Variants in INSR observed in about 807,000 individuals in gnomAD.
The protein encoded by INSR is insulin receptor.
In INSR, 67 loss-of-function variants were observed where a neutral mutation model predicts 142.6. The observed-to-expected ratio is 0.47, with a 90% CI of 0.39 to 0.58. The LOEUF (loss-of-function observed/expected upper bound fraction) is 0.58. Ranked by LOEUF, INSR falls within the 20% of genes least tolerant of loss-of-function variation. INSR has a pLI of 0.00. For synonymous variants in INSR, 756 were observed against 743.1 expected (o/e 1.02, Z -0.28); for missense variants, 1,248 against 1,833.2 (o/e 0.68, Z 5.83).
chr19:7,119,712 A>G lies in INSR; in HGVS notation c.3660-129T>C, dbSNP rs1411374072. The G allele has an allele frequency of 4.8e-6, 5 of 1,036,546 alleles. No individual in the cohort carries two copies. In the East Asian group the frequency reaches 1.0e-4, roughly 21 times the overall value. The allele number at this position is 1,036,546 out of a possible 1,614,324, so 64.2% of individuals were successfully genotyped here. A position where few individuals can be genotyped will look rare whatever the true frequency, so the allele number is the denominator to read the frequency against. On this transcript the variant is annotated intron_variant, in intron 20 of 21. Coordinates refer to ENST00000302850, the MANE Select transcript of INSR (RefSeq NM_000208.4). The surrounding 1 kb of genome is among the most constrained non-coding windows in gnomAD (Gnocchi z 5.2). ...CACATGCCAACACATACATGCAAAC[A>G]CACACATGCAAACACACACGCACAT... is the stretch of plus-strand genomic sequence containing the variant.
At chr19:7,177,591 G>A (rs1480415413) in intron 3 of INSR, among the ~76,000 whole-genome samples, 4 of 151,378 alleles carry the variant, frequency 2.6e-5, no homozygotes, top group African/African-American at 7.3e-5. Flanking sequence ...ACAATGGCAC[G>A]ATCTCGGCTC....
At chr19:7,181,994 A>G (rs1974286230) in intron 3 of INSR, among the ~76,000 whole-genome samples, 1 of 152,056 alleles carries the variant, frequency 6.6e-6, no homozygotes, top group South Asian at 2.1e-4. Context: ...ATCAAACCAC[A>G]TTAGAAAATG....
intron 1 of INSR, among the ~76,000 whole-genome samples, chr19:7,271,636 C>T (rs1600117137): frequency 6.6e-6 from 1 of 152,336 alleles, no homozygotes; most frequent in East Asian, 1.9e-4. Flanking sequence ...GGCAATTCCA[C>T]TCCTAGGTAA....
chr19:7,186,110 C>T (rs200755748), intron 2 of INSR, among the ~76,000 whole-genome samples: 2 of 152,074 alleles, frequency 1.3e-5, no homozygotes, highest in African/African-American at 4.8e-5. Flanking sequence ...GCAGGAGAAT[C>T]GCTTGAACCT....
chr19:7,132,716 C>T (rs1006416926), intron 13 of INSR, among the ~76,000 whole-genome samples: 3 of 151,750 alleles, frequency 2.0e-5, no homozygotes, highest in South Asian at 2.1e-4. Context: ...CTCAGCCTCC[C>T]GAGTAGCTGG....
intron 2 of INSR, among the ~76,000 whole-genome samples, chr19:7,194,464 G>C (rs1411281658): frequency 6.6e-6 from 1 of 151,234 alleles, no homozygotes; most frequent in African/African-American, 2.4e-5. Context: ...AATCAATATG[G>C]GGCTCAGGGG....
At chr19:7,273,392 G>C (rs184917563) in intron 1 of INSR, among the ~76,000 whole-genome samples, 32 of 152,288 alleles carry the variant, frequency 2.1e-4, no homozygotes, top group African/African-American at 7.5e-4. Flanking sequence ...ACATCTCTGA[G>C]TGGGCGTGAA....
chr19:7,197,947 G>C (rs1461567026), intron 2 of INSR, among the ~76,000 whole-genome samples: 4 of 130,860 alleles, frequency 3.1e-5, no homozygotes, highest in East Asian at 2.1e-4. Context: ...GTGTGTGTGT[G>C]TCCCCATGGT....
At chr19:7,274,428 C>T (rs764039633) in intron 1 of INSR, among the ~76,000 whole-genome samples, 1 of 151,130 alleles carries the variant, frequency 6.6e-6, no homozygotes, top group Admixed American at 6.7e-5. Flanking sequence ...GATTTTTTTC[C>T]CATGACGCCT....
chr19:7,287,253 A>C (rs1360841371), intron 1 of INSR, among the ~76,000 whole-genome samples: 1 of 147,410 alleles, frequency 6.8e-6, no homozygotes, highest in African/African-American at 2.5e-5. Flanking sequence ...TCCACCTCCC[A>C]GGTTCAAGCG....
In INSR at chr19:7,117,495, G is replaced by A. The variant is rs11883202; in HGVS notation, c.3795-85C>T. The A allele has an allele frequency of 0.25, 239,538 of 963,380 alleles. 30,583 individuals are homozygous for A. Among genetic ancestry groups the A allele is most frequent in the African/African-American group, 0.41 (25,348 of 62,398 alleles). 59.7% of individuals were successfully genotyped at this position (963,380 alleles called of 1,614,324 possible). A position where few individuals can be genotyped will look rare whatever the true frequency, so the allele number is the denominator to read the frequency against. On this transcript the variant is annotated intron_variant, in intron 21 of 21. Transcript: ENST00000302850. The stretch of plus-strand genomic sequence containing the variant: ...AACCCCCACTCTTGTCCCTGCAGCC[G>A]ACACCCACGGACCACATGTGCTCAC...
intron 2 of INSR, among the ~76,000 whole-genome samples, chr19:7,250,391 GA>G (rs142777583): frequency 0.48 from 66,689 of 140,322 alleles, 15,444 homozygotes; most frequent in African/African-American, 0.51. Context: ...GGAAGGGAGA[GA>G]AGGAAGGGAG....
chr19:7,290,928 G>A (rs751104928), intron 1 of INSR, among the ~76,000 whole-genome samples: 4 of 150,850 alleles, frequency 2.7e-5, no homozygotes, highest in Non-Finnish European at 4.4e-5. Flanking sequence ...AAAATAAGCC[G>A]GTGTTGTGGA....
At chr19:7,278,431 A>T (rs919598445) in intron 1 of INSR, among the ~76,000 whole-genome samples, 1 of 152,232 alleles carries the variant, frequency 6.6e-6, no homozygotes, top group African/African-American at 2.4e-5. Flanking sequence ...TGGGAGAGAA[A>T]GGCAGATACC....
At chr19:7,162,713 G>A (rs150497523) in intron 9 of INSR, among the ~76,000 whole-genome samples, 30 of 149,896 alleles carry the variant, frequency 2.0e-4, no homozygotes, top group African/African-American at 5.9e-4. Context: ...CCAGCTACTC[G>A]GGAGGCTGAT....
intron 11 of INSR, among the ~76,000 whole-genome samples, chr19:7,148,858 G>C (rs950430921): frequency 6.6e-6 from 1 of 150,680 alleles, no homozygotes; most frequent in Admixed American, 6.6e-5. Flanking sequence ...GCAGTGGCAC[G>C]ATCTTGGCTC....
At chr19:7,196,761 G>C (rs201103868) in intron 2 of INSR, among the ~76,000 whole-genome samples, 8 of 150,938 alleles carry the variant, frequency 5.3e-5, no homozygotes, top group South Asian at 2.1e-4. Context: ...AAAAAAAAAA[G>C]TTTAAAAACC....
At chr19:7,219,642 G>A (rs112841833) in intron 2 of INSR, among the ~76,000 whole-genome samples, 9,114 of 149,972 alleles carry the variant, frequency 0.061, 362 homozygotes, top group Non-Finnish European at 0.084. Context: ...GGAAAAGAAA[G>A]GAAAGGAAGG....
At chr19:7,148,452 T>G (rs1973234475) in intron 11 of INSR, among the ~76,000 whole-genome samples, 1 of 149,976 alleles carries the variant, frequency 6.7e-6, no homozygotes. Flanking sequence ...TTATTTATTA[T>G]TATTATTAGT....
Sources: allele counts gnomAD v4.1 joint callset (sites outside exome capture counted in the v4.1 genomes callset), GRCh38; gene constraint gnomAD v4.1.1; non-coding constraint Gnocchi (gnomAD v3.1); transcripts MANE v1.5; gene names NCBI Gene and HGNC (gene_info 2026-07-23, HGNC 2026-07-21).